PRKG1: variants seen among roughly 807,000 people sequenced by gnomAD.
PRKG1 encodes the protein cGMP-dependent protein kinase 1.
PRKG1 carries 35 observed loss-of-function variants against 88.1 expected under a neutral mutation model. The observed-to-expected ratio is 0.40, with a 90% confidence interval of 0.30 to 0.53. The LOEUF is 0.53. PRKG1 is among the 20% of genes least tolerant of loss of function. The pLI, the probability that PRKG1 is intolerant of heterozygous loss-of-function variation, is 0.59. For synonymous variants in PRKG1, 303 were observed against 292.5 expected (o/e 1.04, Z -0.37); for missense variants, 540 against 839.8 (o/e 0.64, Z 4.41).
At chr10:51,666,244 T>C (rs568815624) in intron 3 of PRKG1, among the ~76,000 whole-genome samples, 5 of 152,302 alleles carry the variant, frequency 3.3e-5, no homozygotes, top group African/African-American at 4.8e-5. Context: ...GCTGCTAAAA[T>C]GTAGATGTCA....
At chr10:51,464,337 T>C (rs1431483648) in intron 2 of PRKG1, among the ~76,000 whole-genome samples, 1 of 152,042 alleles carries the variant, frequency 6.6e-6, no homozygotes, top group Non-Finnish European at 1.5e-5. Context: ...TGACATCACA[T>C]CCCTTACTTT....
chr10:52,275,172 G>T (rs1172921796), intron 12 of PRKG1, among the ~76,000 whole-genome samples: 1 of 152,112 alleles, frequency 6.6e-6, no homozygotes, highest in African/African-American at 2.4e-5. Flanking sequence ...CCATGCAAAA[G>T]CTCATCAGTT....
At chr10:51,278,835 C>G (rs1341046862) in intron 2 of PRKG1, among the ~76,000 whole-genome samples, 2 of 151,466 alleles carry the variant, frequency 1.3e-5, no homozygotes, top group African/African-American at 2.4e-5. Flanking sequence ...CTATTTGATT[C>G]TTCTCTCTTT....
chr10:52,146,802 T>C (rs1250571142), intron 8 of PRKG1, among the ~76,000 whole-genome samples: 1 of 152,194 alleles, frequency 6.6e-6, no homozygotes, highest in Non-Finnish European at 1.5e-5. Flanking sequence ...AGTATTAGAA[T>C]TACTGATTCA....
intron 9 of PRKG1, among the ~76,000 whole-genome samples, chr10:52,171,134 T>A (rs959885942): frequency 2.0e-5 from 1 of 49,688 alleles, no homozygotes; most frequent in African/African-American, 4.1e-5. Flanking sequence ...TGTTTTTTTT[T>A]TTTTTGGTTT....
At chr10:52,144,549 G>A (rs1837675340) in intron 8 of PRKG1, among the ~76,000 whole-genome samples, 4 of 152,310 alleles carry the variant, frequency 2.6e-5, no homozygotes, top group Admixed American at 2.6e-4. Flanking sequence ...AGTGGCTCAT[G>A]CCTGTAATCC....
At chr10:51,751,926 G>A (rs1485207128) in intron 3 of PRKG1, among the ~76,000 whole-genome samples, 2 of 152,082 alleles carry the variant, frequency 1.3e-5, no homozygotes, top group African/African-American at 4.8e-5. Flanking sequence ...CAAATACTTG[G>A]ATAATAAACA....
At chr10:52,277,496 C>T (rs1841902435) in intron 12 of PRKG1, among the ~76,000 whole-genome samples, 1 of 152,186 alleles carries the variant, frequency 6.6e-6, no homozygotes, top group African/African-American at 2.4e-5. Context: ...GTACCAGGCA[C>T]TTATTTTCAG....
intron 2 of PRKG1, among the ~76,000 whole-genome samples, chr10:51,218,632 T>C (rs1838441588): frequency 6.6e-6 from 1 of 150,422 alleles, no homozygotes. Context: ...TTTAAATGCA[T>C]ATTAAATATA....
intron 5 of PRKG1, among the ~76,000 whole-genome samples, chr10:51,967,580 A>G (rs1012350984): frequency 1.3e-5 from 2 of 152,144 alleles, no homozygotes; most frequent in African/African-American, 2.4e-5. Context: ...ATTGTTTTCT[A>G]AACTCCAGAG....
chr10:52,102,199 G>T (rs537335573), intron 7 of PRKG1, among the ~76,000 whole-genome samples: 85 of 151,932 alleles, frequency 5.6e-4, no homozygotes, highest in African/African-American at 2.0e-3. Flanking sequence ...GTTTTTTGTT[G>T]TTTACATTGG....
intron 7 of PRKG1, among the ~76,000 whole-genome samples, chr10:52,094,768 T>C: frequency 6.6e-6 from 1 of 152,144 alleles, no homozygotes; most frequent in Non-Finnish European, 1.5e-5. Context: ...TCTTGTTTCT[T>C]CTCTTATAAG....
chr10:52,181,419 CTTT>C (rs761799361), intron 9 of PRKG1, among the ~76,000 whole-genome samples: 571 of 55,066 alleles, frequency 0.01, 8 homozygotes, highest in African/African-American at 0.031. Flanking sequence ...CACAGCTCTT[CTTT>C]TTTTTTTTTT....
At chr10:51,278,344 G>A (rs1340022144) in intron 2 of PRKG1, among the ~76,000 whole-genome samples, 2 of 152,172 alleles carry the variant, frequency 1.3e-5, no homozygotes, top group African/African-American at 4.8e-5. Flanking sequence ...TGTGTTGCTG[G>A]ATTCAGTTTG....
At chr10:51,135,677 T>C (rs1845669000) in intron 1 of PRKG1, among the ~76,000 whole-genome samples, 1 of 152,190 alleles carries the variant, frequency 6.6e-6, no homozygotes, top group South Asian at 2.1e-4. Flanking sequence ...TGATTAACCA[T>C]GGTTAATAAC....
intron 5 of PRKG1, among the ~76,000 whole-genome samples, chr10:51,932,975 G>A (rs1205284694): frequency 2.0e-5 from 3 of 152,034 alleles, no homozygotes; most frequent in African/African-American, 7.3e-5. Flanking sequence ...ATTGTGTCTT[G>A]GCTACATGAC....
chr10:51,487,834 C>A (rs957036291), intron 3 of PRKG1, among the ~76,000 whole-genome samples: 3 of 152,032 alleles, frequency 2.0e-5, no homozygotes, highest in African/African-American at 7.2e-5. Flanking sequence ...TGGCAGTTAT[C>A]CTGAATATAT....
intron 4 of PRKG1, among the ~76,000 whole-genome samples, chr10:51,870,807 T>C (rs1011067398): frequency 6.6e-6 from 1 of 151,822 alleles, no homozygotes; most frequent in African/African-American, 2.4e-5. Context: ...GTGGTATAAA[T>C]ATCTACACTG....
chr10:51,104,799 G>A (rs937352918), intron 1 of PRKG1, among the ~76,000 whole-genome samples: 22 of 150,392 alleles, frequency 1.5e-4, no homozygotes, highest in Middle Eastern at 3.4e-3. Flanking sequence ...ACACAATCTC[G>A]GCTTACTGCA....
Sources: allele counts gnomAD v4.1 joint callset (sites outside exome capture counted in the v4.1 genomes callset), GRCh38; gene constraint gnomAD v4.1.1; transcripts MANE v1.5; gene names NCBI Gene and HGNC (gene_info 2026-07-23, HGNC 2026-07-21).